Variants in CADM2 observed in about 807,000 individuals in gnomAD.
CADM2 encodes the protein cell adhesion molecule 2.
A neutral mutation model predicts 49.8 loss-of-function variants in CADM2; 12 were observed. That is an observed-to-expected ratio of 0.24 (90% confidence interval 0.15 to 0.39). The LOEUF (loss-of-function observed/expected upper bound fraction) is 0.39. Ranked by LOEUF, CADM2 falls within the 10% of genes least tolerant of loss-of-function variation. The pLI, the probability that CADM2 is intolerant of heterozygous loss-of-function variation, is 1.00. For synonymous variants in CADM2, 214 were observed against 175.4 expected (o/e 1.22, Z -1.74); for missense variants, 378 against 492.3 (o/e 0.77, Z 2.20).
Position 85,266,648 on chromosome 3 carries a change from CATAG to C in CADM2, c.61+306984_61+306987del, listed in dbSNP as rs1267594761. Among the ~76,000 whole-genome samples, 4 of 151,892 alleles carry C rather than the reference CATAG, an allele frequency of 2.6e-5. No individual in the cohort carries two copies. In the East Asian group the frequency reaches 7.8e-4, roughly 29 times the overall value. Reference sequence around the variant, plus strand: ...CTGCCTCTGTATATGTCTTGCAATACATAGATATCATTTTATTAAGTAGAAATAT... The same window carrying C: ...CTGCCTCTGTATATGTCTTGCAATACATATCATTTTATTAAGTAGAAATAT... On this transcript the variant is annotated intron_variant, in intron 1 of 9. Transcript: ENST00000383699.
Position 86,071,511 on chromosome 3 carries a change from G to T in CADM2, c.*4728G>T, listed in dbSNP as rs1739864234. ...TTAATATTGAATGCAATAGTTATTGGATATAGCTGGTAAGTTCTCTGCCAT... is the reference window on the plus strand; with the variant it reads ...TTAATATTGAATGCAATAGTTATTGTATATAGCTGGTAAGTTCTCTGCCAT... On this transcript the variant is annotated 3_prime_UTR_variant, in exon 10 of 10. Transcript: ENST00000383699. 1 of 151,780 alleles carries T rather than the reference G, an allele frequency of 6.6e-6. No homozygotes were observed. Among genetic ancestry groups the T allele is most frequent in the Non-Finnish European group, 1.5e-5 (1 of 67,788 alleles). The allele number at this position is 151,780 out of a possible 1,614,324, so 9.4% of individuals were successfully genotyped here.
chr3:85,294,553 C>T (rs564938124), intron 1 of CADM2, among the ~76,000 whole-genome samples: 1 of 152,208 alleles, frequency 6.6e-6, no homozygotes, highest in African/African-American at 2.4e-5. Context: ...TACAAGGCTA[C>T]AGTACCCAAA....
At chr3:85,440,862 A>C (rs1198117567) in intron 1 of CADM2, among the ~76,000 whole-genome samples, 2 of 152,080 alleles carry the variant, frequency 1.3e-5, no homozygotes, top group African/African-American at 4.8e-5. Flanking sequence ...GGTGCCTGTA[A>C]TCCCAGTTAT....
At position 85,123,455 on chromosome 3, in the gene CADM2, G is replaced by T. The variant is rs78996101; in HGVS notation, c.61+163787G>T. On this transcript the variant is annotated intron_variant, in intron 1 of 9. Coordinates refer to ENST00000383699, the MANE Select transcript of CADM2 (RefSeq NM_001167675.2). The stretch of plus-strand genomic sequence containing the variant: ...ATCACTTACTCTGTGGATTTTAAAA[G>T]TTCGAATACAGTGACCTCTAAGAGG... 6.9e-3 allele frequency among the ~76,000 whole-genome samples: 1,046 copies of T among 152,196 alleles called. 10 individuals are homozygous for T. Among genetic ancestry groups the T allele is most frequent in the African/African-American group, 0.023 (957 of 41,540 alleles).
In CADM2 at chr3:85,089,414, C is replaced by T. The variant is rs1246465382; in HGVS notation, c.61+129746C>T. Reference sequence around the variant, plus strand: ...GTATTTTAAACTTGATACAATGCCTCATTCCCCACATCCAAGTCATTTAAA... The same window carrying T: ...GTATTTTAAACTTGATACAATGCCTTATTCCCCACATCCAAGTCATTTAAA... On this transcript the variant is annotated intron_variant, in intron 1 of 9. Transcript: ENST00000383699. Among the ~76,000 whole-genome samples the T allele has an allele frequency of 2.6e-5, 4 of 152,106 alleles. No homozygotes were observed. In the East Asian group the frequency reaches 7.7e-4, roughly 29 times the overall value.
intron 1 of CADM2, among the ~76,000 whole-genome samples, chr3:85,058,454 A>AT (rs2036177410): frequency 6.7e-6 from 1 of 149,622 alleles, no homozygotes; most frequent in Non-Finnish European, 1.5e-5. Flanking sequence ...TTCTTTTTTT[A>AT]TTTTTTTGAG....
chr3:85,576,726 C>T (rs566046824), intron 1 of CADM2, among the ~76,000 whole-genome samples: 9 of 152,070 alleles, frequency 5.9e-5, no homozygotes, highest in African/African-American at 2.2e-4. Context: ...AAATTTTTGA[C>T]CAAAATTATA....
chr3:85,131,840 G>C (rs1258672464), intron 1 of CADM2, among the ~76,000 whole-genome samples: 1 of 151,374 alleles, frequency 6.6e-6, no homozygotes, highest in African/African-American at 2.4e-5. Context: ...ATTAAATTCT[G>C]CTAAATAACT....
chr3:85,319,796 G>A (rs6782173), intron 1 of CADM2, among the ~76,000 whole-genome samples: 4,751 of 152,202 alleles, frequency 0.031, 264 homozygotes, highest in African/African-American at 0.11. Flanking sequence ...ACAGGAGGAA[G>A]AGGATCAGAA....
intron 8 of CADM2, among the ~76,000 whole-genome samples, chr3:86,033,675 A>G (rs1013775320): frequency 1.4e-5 from 2 of 146,036 alleles, no homozygotes; most frequent in Non-Finnish European, 3.0e-5. Context: ...ATATATGTAT[A>G]TATATATATA....
chr3:86,035,138 G>A (rs1734998295), intron 8 of CADM2, among the ~76,000 whole-genome samples: 1 of 151,948 alleles, frequency 6.6e-6, no homozygotes, highest in Admixed American at 6.6e-5. Flanking sequence ...TTTGCAACAT[G>A]GCTTCTGTCC....
chr3:85,245,332 G>A (rs2107844998), intron 1 of CADM2, among the ~76,000 whole-genome samples: 1 of 152,090 alleles, frequency 6.6e-6, no homozygotes, highest in South Asian at 2.1e-4. Flanking sequence ...CTAACACGGT[G>A]AAACCCCGTC....
chr3:85,950,397 T>G (rs1044919107), intron 7 of CADM2, among the ~76,000 whole-genome samples: 13 of 151,366 alleles, frequency 8.6e-5, no homozygotes, highest in Admixed American at 5.3e-4. Context: ...TTCATGATCA[T>G]AGCAATCTTA....
At chr3:85,515,434 T>A (rs941720287) in intron 1 of CADM2, among the ~76,000 whole-genome samples, 12 of 148,554 alleles carry the variant, frequency 8.1e-5, no homozygotes, top group African/African-American at 1.7e-4. Flanking sequence ...TCTTTTTTTT[T>A]TTATTATTAT....
At chr3:85,637,964 A>T (rs1487586300) in intron 1 of CADM2, among the ~76,000 whole-genome samples, 1 of 152,234 alleles carries the variant, frequency 6.6e-6, no homozygotes, top group African/African-American at 2.4e-5. Flanking sequence ...TTAATGCTGT[A>T]TTCTAATGCG....
At chr3:85,943,948 A>G (rs1204205356) in intron 7 of CADM2, among the ~76,000 whole-genome samples, 5 of 152,050 alleles carry the variant, frequency 3.3e-5, no homozygotes, top group Non-Finnish European at 7.4e-5. Flanking sequence ...CAAATGGGCT[A>G]AATGCTCTAA....
At chr3:85,831,646 T>C (rs1180553241) in intron 3 of CADM2, among the ~76,000 whole-genome samples, 2 of 152,030 alleles carry the variant, frequency 1.3e-5, no homozygotes, top group African/African-American at 4.8e-5. Context: ...GAAGTGTCTG[T>C]CTATATTCTT....
chr3:85,652,370 G>A (rs2065067851), intron 1 of CADM2, among the ~76,000 whole-genome samples: 1 of 152,092 alleles, frequency 6.6e-6, no homozygotes, highest in Non-Finnish European at 1.5e-5. Flanking sequence ...GCATATATAT[G>A]ATATCCGTTT....
intron 1 of CADM2, among the ~76,000 whole-genome samples, chr3:85,714,911 A>T (rs763176547): frequency 8.6e-5 from 13 of 152,010 alleles, no homozygotes; most frequent in Admixed American, 2.6e-4. Flanking sequence ...ACAGTCAATA[A>T]ATGTGCTTAC....
Sources: gnomAD v4.1 joint callset for allele counts (sites outside exome capture counted in the v4.1 genomes callset) on GRCh38, gnomAD v4.1.1 for gene constraint, MANE v1.5 for transcripts, NCBI Gene and HGNC (gene_info 2026-07-23, HGNC 2026-07-21) for gene names.